Variants in NBEA observed in about 807,000 individuals in gnomAD.
NBEA encodes lysosomal-trafficking regulator 2.
NBEA carries 44 observed loss-of-function variants against 343.4 expected under a neutral mutation model. That is an observed-to-expected ratio of 0.13 (90% CI 0.10 to 0.16). The LOEUF is 0.16. NBEA is among the 10% of genes least tolerant of loss of function. The pLI is 1.00. For synonymous variants in NBEA, 1,175 were observed against 1,238.7 expected, an observed-to-expected ratio of 0.95 and a Z score of 1.08; for missense variants, 2,555 against 3,631.3, an observed-to-expected ratio of 0.70 and a Z score of 7.62.
At chr13:35,550,880 T>C in intron 42 of NBEA, 50 bp from the exon 43 acceptor site, 1 of 1,152,662 alleles carries the variant, frequency 8.7e-7, no homozygotes. Flanking sequence ...AATTGATGGC[T>C]AACTTATCCT....
rs369879401 is a variant in NBEA at position 35,045,293 on chromosome 13, A to G, written c.628-13A>G. The G allele has an allele frequency of 3.1e-6, 5 of 1,588,890 alleles. No individual in the cohort carries two copies. The highest frequency in any genetic ancestry group is 1.7e-5 in the Admixed American group (1 of 57,734). On this transcript the variant is annotated splice_polypyrimidine_tract_variant and intron_variant, in intron 3 of 58. Coordinates refer to ENST00000379939, the MANE Select transcript of NBEA (RefSeq NM_001385012.1). ...TTGTACAATGACATTTCTTTCTTTT[A>G]TTGTTTCCCCAGCCAAGACATGCAG...
intron 28 of NBEA, among the ~76,000 whole-genome samples, chr13:35,177,322 G>T (rs577804137): frequency 4.6e-5 from 7 of 151,952 alleles, no homozygotes; most frequent in African/African-American, 1.7e-4. Flanking sequence ...TTTGATGTAA[G>T]TTGCTTGCAT....
At chr13:35,079,529 A>G (rs575816717) in intron 10 of NBEA, among the ~76,000 whole-genome samples, 1 of 152,284 alleles carries the variant, frequency 6.6e-6, no homozygotes, top group African/African-American at 2.4e-5. Context: ...TTAAAACTAA[A>G]TGGTAAAGAA....
intron 36 of NBEA, among the ~76,000 whole-genome samples, chr13:35,311,061 G>T (rs1177883391): frequency 2.0e-5 from 3 of 151,832 alleles, no homozygotes; most frequent in Non-Finnish European, 2.9e-5. Flanking sequence ...TTTAAAATAG[G>T]CTTTGCATTC....
At chr13:35,017,728 A>G (rs1306884757) in intron 1 of NBEA, among the ~76,000 whole-genome samples, 2 of 152,082 alleles carry the variant, frequency 1.3e-5, no homozygotes, top group Admixed American at 6.6e-5. Flanking sequence ...TAATTTGCAA[A>G]TATTTTTCTT....
chr13:35,018,041 T>C lies in NBEA; in HGVS notation c.295-22892T>C, dbSNP rs539103596. Among the ~76,000 whole-genome samples the C allele has an allele frequency of 9.9e-5, 15 of 152,268 alleles. No homozygotes were observed. In the South Asian group the frequency reaches 2.5e-3, roughly 25 times the overall value. On this transcript the variant is annotated intron_variant, in intron 1 of 58. Transcript: ENST00000379939. ...TCAATTGATCATCTATTGATTTGTT[T>C]TATAATTTATGTGGGTTTATTTGTG...
intron 16 of NBEA, among the ~76,000 whole-genome samples, chr13:35,122,088 G>A (rs1260430990): frequency 6.6e-6 from 1 of 152,004 alleles, no homozygotes; most frequent in Non-Finnish European, 1.5e-5. Flanking sequence ...AATGAATATG[G>A]CCCTACTTTT....
intron 6 of NBEA, among the ~76,000 whole-genome samples, chr13:35,055,608 A>T (rs1309293257): frequency 6.6e-6 from 1 of 152,138 alleles, no homozygotes; most frequent in Non-Finnish European, 1.5e-5. Flanking sequence ...TTATAATTCT[A>T]CATTTGTTTA....
chr13:35,060,216 T>C (rs540309962), intron 8 of NBEA, among the ~76,000 whole-genome samples: 34 of 151,724 alleles, frequency 2.2e-4, no homozygotes, highest in Non-Finnish European at 4.1e-4. Context: ...AAAATACAAA[T>C]CCAATATGAT....
At chr13:34,955,548 G>A (rs1018656344) in intron 1 of NBEA, among the ~76,000 whole-genome samples, 2 of 152,086 alleles carry the variant, frequency 1.3e-5, no homozygotes, top group African/African-American at 4.8e-5. Context: ...ACTGTTCCAG[G>A]ATTAAAAGAG....
chr13:35,423,730 T>A lies in NBEA; in HGVS notation c.6180-8539T>A, dbSNP rs1426403901. ...ATGGGGATGGCATTGAATCTATAAATTACCTTGGGCAGTATGGCCATTTTC... is the reference window on the plus strand; with the variant it reads ...ATGGGGATGGCATTGAATCTATAAAATACCTTGGGCAGTATGGCCATTTTC... On this transcript the variant is annotated intron_variant, in intron 38 of 58. Transcript: ENST00000379939. Among the ~76,000 whole-genome samples the A allele has an allele frequency of 3.9e-5, 6 of 152,138 alleles. No individual in the cohort carries two copies. In the East Asian group the frequency reaches 1.2e-3, roughly 29 times the overall value.
intron 38 of NBEA, among the ~76,000 whole-genome samples, chr13:35,418,881 G>A (rs936490355): frequency 5.9e-5 from 9 of 151,860 alleles, no homozygotes; most frequent in African/African-American, 1.7e-4. Flanking sequence ...TATATGAAAC[G>A]CTTGGGGCCA....
Position 35,155,900 on chromosome 13 carries a change from C to T in NBEA, c.2527+45C>T, listed in dbSNP as rs371256863. 37 of 1,550,842 alleles carry T rather than the reference C, an allele frequency of 2.4e-5. No homozygotes were observed. The African/African-American group carries it at 4.4e-4, about 18-fold the overall frequency. ...TTACTGTATTGTGGTAGGCGCATGG[C>T]AACATATGAGACTAAATCAAAACTT... On this transcript the variant is annotated intron_variant, in intron 19 of 58. Transcript: ENST00000379939.
At chr13:35,471,660 T>C (rs1018168501) in intron 40 of NBEA, among the ~76,000 whole-genome samples, 1 of 152,232 alleles carries the variant, frequency 6.6e-6, no homozygotes, top group Non-Finnish European at 1.5e-5. Flanking sequence ...CAGGCACTTC[T>C]AGTGAAGCTG....
intron 6 of NBEA, among the ~76,000 whole-genome samples, chr13:35,050,794 C>T (rs537871020): frequency 1.3e-5 from 2 of 151,986 alleles, no homozygotes; most frequent in Admixed American, 6.6e-5. Context: ...GGAGATTAAC[C>T]TAATCCTAGT....
chr13:35,426,465 G>A (rs527364425), intron 38 of NBEA, among the ~76,000 whole-genome samples: 1 of 152,212 alleles, frequency 6.6e-6, no homozygotes, highest in South Asian at 2.1e-4. Context: ...TAAGAATGTT[G>A]AATTGGCCCC....
intron 33 of NBEA, among the ~76,000 whole-genome samples, chr13:35,213,502 A>C (rs2073899742): frequency 6.6e-6 from 1 of 151,994 alleles, no homozygotes; most frequent in Admixed American, 6.6e-5. Context: ...TGGGGTTTTC[A>C]TAAGTAATGG....
chr13:35,155,929 C>G, intron 19 of NBEA, 74 bp downstream of exon 19: 1 of 1,515,128 alleles, frequency 6.6e-7, no homozygotes, highest in Non-Finnish European at 9.1e-7. Flanking sequence ...AAAACTTTTC[C>G]TAACCCCTTA....
At chr13:35,124,839 G>T (rs559655576) in intron 17 of NBEA, among the ~76,000 whole-genome samples, 4 of 151,312 alleles carry the variant, frequency 2.6e-5, no homozygotes, top group African/African-American at 7.3e-5. Context: ...TATATATATG[G>T]TATATGGAAC....
Sources: allele counts gnomAD v4.1 joint callset (sites outside exome capture counted in the v4.1 genomes callset), GRCh38; gene constraint gnomAD v4.1.1; transcripts MANE v1.5; gene names NCBI Gene and HGNC (gene_info 2026-07-23, HGNC 2026-07-21).